CDKAL1: variants seen among roughly 807,000 people sequenced by gnomAD.
CDKAL1 encodes the protein threonylcarbamoyladenosine tRNA methylthiotransferase.
A neutral mutation model predicts 68.2 loss-of-function variants in CDKAL1; 32 were observed. The observed-to-expected ratio is 0.47, with a 90% confidence interval of 0.35 to 0.63. The LOEUF (loss-of-function observed/expected upper bound fraction) is 0.63, where lower values mean the gene tolerates loss of function less well. Ranked by LOEUF, CDKAL1 falls within the 30% of genes least tolerant of loss-of-function variation. The pLI is 0.00. For missense variants in CDKAL1, 606 were observed against 696.7 expected, an observed-to-expected ratio of 0.87 and a Z score of 1.47; for synonymous variants, 234 against 244.3, an observed-to-expected ratio of 0.96 and a Z score of 0.39.
intron 13 of CDKAL1, among the ~76,000 whole-genome samples, chr6:21,151,538 A>G (rs1255192932): frequency 2.0e-5 from 3 of 152,252 alleles, no homozygotes; most frequent in Non-Finnish European, 4.4e-5. Flanking sequence ...ATCTACTAAA[A>G]TAACGACTCC....
At chr6:21,217,679 G>T (rs1212002165) in intron 15 of CDKAL1, among the ~76,000 whole-genome samples, 2 of 152,028 alleles carry the variant, frequency 1.3e-5, no homozygotes, top group Non-Finnish European at 2.9e-5. Flanking sequence ...TATATTTTTA[G>T]TAGAGACAGG....
At chr6:21,091,857 CTTTTTTTTTTTT>C (rs70990099) in intron 12 of CDKAL1, among the ~76,000 whole-genome samples, 1 of 70,534 alleles carries the variant, frequency 1.4e-5, no homozygotes. Flanking sequence ...TCAGAACTTT[CTTTTTTTTTTTT>C]TTTTTTTTTT....
At chr6:20,782,591 C>A (rs956209083) in intron 8 of CDKAL1, among the ~76,000 whole-genome samples, 2 of 152,132 alleles carry the variant, frequency 1.3e-5, no homozygotes, top group African/African-American at 4.8e-5. Context: ...CTCTTTTTCT[C>A]AGTTGCCTTG....
chr6:21,103,100 CTTA>C (rs768360921), intron 12 of CDKAL1, among the ~76,000 whole-genome samples: 2 of 152,176 alleles, frequency 1.3e-5, no homozygotes, highest in Non-Finnish European at 2.9e-5. Context: ...AGTCCATAGT[CTTA>C]TTATAGCTTT....
chr6:20,534,918 G>A (rs76669322), intron 1 of CDKAL1, among the ~76,000 whole-genome samples: 2,857 of 152,306 alleles, frequency 0.019, 97 homozygotes, highest in African/African-American at 0.064. Flanking sequence ...AGATCAGTAT[G>A]TTAAGAATTT....
chr6:20,689,889 G>A (rs764789127), intron 5 of CDKAL1, among the ~76,000 whole-genome samples: 19 of 152,128 alleles, frequency 1.2e-4, no homozygotes, highest in Admixed American at 3.3e-4. Context: ...TATTGTATAA[G>A]GCTTATGGTG....
intron 4 of CDKAL1, among the ~76,000 whole-genome samples, chr6:20,598,966 T>C (rs1765961209): frequency 6.6e-6 from 1 of 152,224 alleles, no homozygotes; most frequent in African/African-American, 2.4e-5. Flanking sequence ...CTAAAGTTAA[T>C]ATAAAAGTCT....
intron 9 of CDKAL1, among the ~76,000 whole-genome samples, chr6:20,863,098 T>C (rs1759731601): frequency 1.3e-5 from 2 of 152,316 alleles, no homozygotes; most frequent in African/African-American, 4.8e-5. Context: ...CCTGGGAATT[T>C]TGTTAACATG....
chr6:21,045,389 G>A (rs577805319), intron 11 of CDKAL1, among the ~76,000 whole-genome samples: 1 of 152,176 alleles, frequency 6.6e-6, no homozygotes, highest in South Asian at 2.1e-4. Flanking sequence ...TTTGGGACAT[G>A]AGCATGAGGT....
chr6:21,214,271 A>G (rs1779264266), intron 15 of CDKAL1, among the ~76,000 whole-genome samples: 1 of 152,108 alleles, frequency 6.6e-6, no homozygotes, highest in African/African-American at 2.4e-5. Context: ...AATATAATTA[A>G]TGCCACTAAA....
At chr6:20,942,662 C>G (rs1764042653) in intron 9 of CDKAL1, among the ~76,000 whole-genome samples, 1 of 148,432 alleles carries the variant, frequency 6.7e-6, no homozygotes, top group Admixed American at 6.7e-5. Flanking sequence ...CCACCACGCC[C>G]AGCTGAACAA....
At chr6:21,205,722 G>A (rs1353889702) in intron 15 of CDKAL1, among the ~76,000 whole-genome samples, 41 of 151,098 alleles carry the variant, frequency 2.7e-4, no homozygotes, top group Admixed American at 1.7e-3. Flanking sequence ...TAGTAGAGAC[G>A]GGGTTTCACT....
At chr6:20,609,979 G>A (rs1766547221) in intron 4 of CDKAL1, among the ~76,000 whole-genome samples, 1 of 152,030 alleles carries the variant, frequency 6.6e-6, no homozygotes, top group Non-Finnish European at 1.5e-5. Flanking sequence ...CCCTCTATGT[G>A]TCCATGTGTT....
intron 4 of CDKAL1, among the ~76,000 whole-genome samples, chr6:20,610,044 C>T (rs1053323266): frequency 6.6e-6 from 1 of 152,086 alleles, no homozygotes; most frequent in Non-Finnish European, 1.5e-5. Flanking sequence ...TTTTCTGTTC[C>T]TGTGTCAAGT....
intron 4 of CDKAL1, among the ~76,000 whole-genome samples, chr6:20,646,864 C>G (rs776192380): frequency 6.6e-6 from 1 of 152,146 alleles, no homozygotes; most frequent in African/African-American, 2.4e-5. Context: ...CTGCCTCAGC[C>G]TCCTGAGTAG....
At chr6:20,743,349 G>A (rs77843407) in intron 6 of CDKAL1, among the ~76,000 whole-genome samples, 8,685 of 152,138 alleles carry the variant, frequency 0.057, 289 homozygotes, top group African/African-American at 0.099. Context: ...TTGACCAGGC[G>A]ATTAAAATAA....
chr6:20,677,078 T>G (rs75034303), intron 5 of CDKAL1, among the ~76,000 whole-genome samples: 1 of 127,966 alleles, frequency 7.8e-6, no homozygotes, highest in Admixed American at 7.1e-5. Flanking sequence ...TAATTTTTTT[T>G]GTGTGTGTGT....
chr6:20,626,343 T>C (rs2127737735), intron 4 of CDKAL1, among the ~76,000 whole-genome samples: 1 of 152,222 alleles, frequency 6.6e-6, no homozygotes, highest in South Asian at 2.1e-4. Flanking sequence ...ACCTTGATCC[T>C]CCTCTGTTTT....
intron 9 of CDKAL1, among the ~76,000 whole-genome samples, chr6:20,856,013 T>G (rs542143971): frequency 4.6e-5 from 7 of 152,192 alleles, no homozygotes; most frequent in African/African-American, 1.7e-4. Flanking sequence ...TGAGTGCAAA[T>G]CCACCTGCTT....
Sources: gnomAD v4.1 joint callset for allele counts (sites outside exome capture counted in the v4.1 genomes callset) on GRCh38, gnomAD v4.1.1 for gene constraint, MANE v1.5 for transcripts, NCBI Gene and HGNC (gene_info 2026-07-23, HGNC 2026-07-21) for gene names.